Variants in ITGBL1 observed in about 807,000 individuals in gnomAD.
ITGBL1 encodes the protein integrin beta-like protein 1.
A neutral mutation model predicts 68.5 loss-of-function variants in ITGBL1; 51 were observed. The ratio of observed to expected loss-of-function variants is 0.74; its 90% CI spans 0.59 to 0.94. ITGBL1 has a LOEUF of 0.94. Among genes scored for constraint, ITGBL1 ranks in the 40% least tolerant of loss-of-function variants. The pLI, the probability that ITGBL1 is intolerant of heterozygous loss-of-function variation, is 0.00. For synonymous variants in ITGBL1, 209 were observed against 227.3 expected (o/e 0.92, Z 0.72); for missense variants, 649 against 647.4 (o/e 1.00, Z -0.03).
intron 6 of ITGBL1, among the ~76,000 whole-genome samples, chr13:101,583,601 T>C (rs2139290791): frequency 6.6e-6 from 1 of 152,282 alleles, no homozygotes; most frequent in Admixed American, 6.5e-5. Context: ...GATGTACTTA[T>C]TTCACATTGC....
At chr13:101,484,871 C>T (rs1280503545) in intron 2 of ITGBL1, among the ~76,000 whole-genome samples, 5 of 152,046 alleles carry the variant, frequency 3.3e-5, no homozygotes, top group South Asian at 2.1e-4. Context: ...AAGCACAAGA[C>T]GCTCAATAAA....
chr13:101,529,104 AC>A (rs2049429774), intron 2 of ITGBL1, among the ~76,000 whole-genome samples: 1 of 152,060 alleles, frequency 6.6e-6, no homozygotes, highest in African/African-American at 2.4e-5. Context: ...TATCAAAAGA[AC>A]AAATAAACAC....
At chr13:101,677,359 C>G (rs1024123179) in intron 7 of ITGBL1, among the ~76,000 whole-genome samples, 4 of 152,132 alleles carry the variant, frequency 2.6e-5, no homozygotes, top group African/African-American at 9.7e-5. Context: ...ATTTTTAAAG[C>G]TGTTCAGACA....
intron 2 of ITGBL1, among the ~76,000 whole-genome samples, chr13:101,485,917 A>G (rs957851585): frequency 6.6e-6 from 1 of 152,190 alleles, no homozygotes; most frequent in African/African-American, 2.4e-5. Flanking sequence ...GTGTAATACA[A>G]CCAGTATGGA....
intron 7 of ITGBL1, among the ~76,000 whole-genome samples, chr13:101,690,296 C>T (rs2139550458): frequency 6.6e-6 from 1 of 152,176 alleles, no homozygotes; most frequent in South Asian, 2.1e-4. Flanking sequence ...AACACATATG[C>T]CAGTGTTTAG....
intron 2 of ITGBL1, among the ~76,000 whole-genome samples, chr13:101,556,481 A>G (rs1327145057): frequency 6.6e-6 from 1 of 152,102 alleles, no homozygotes; most frequent in Non-Finnish European, 1.5e-5. Flanking sequence ...TACTAAAAAT[A>G]CAAAATAGCC....
At chr13:101,657,934 T>C (rs1315302909) in intron 7 of ITGBL1, among the ~76,000 whole-genome samples, 1 of 152,178 alleles carries the variant, frequency 6.6e-6, no homozygotes, top group Non-Finnish European at 1.5e-5. Context: ...AAGAAGTGCA[T>C]TTGAGAGAGT....
Position 101,579,288 on chromosome 13 carries a change from C to A in ITGBL1, c.588C>A (p.Gly196=). 2 of 1,613,134 alleles carry A rather than the reference C, an allele frequency of 1.2e-6. No homozygotes were observed. The highest frequency in any genetic ancestry group is 2.2e-5 in the South Asian group (2 of 90,970). ...IDDETEEICG[G]HGKCYCGNCY... Reference sequence around the variant, plus strand: ...GTATAAAATTCATTTTGGGTAAAGGCCATGGGAAGTGTTACTGTGGAAACT... The same window carrying A: ...GTATAAAATTCATTTTGGGTAAAGGACATGGGAAGTGTTACTGTGGAAACT... Residue 196 remains glycine (G), a splice_region_variant and synonymous_variant, in exon 5 of 11, where the codon GGC becomes GGA. Transcript: ENST00000376180.
At chr13:101,468,790 G>A (rs1026467433) in intron 2 of ITGBL1, among the ~76,000 whole-genome samples, 4 of 152,176 alleles carry the variant, frequency 2.6e-5, no homozygotes, top group Non-Finnish European at 5.9e-5. Context: ...TGAGATAGCC[G>A]AAATCACTGG....
intron 7 of ITGBL1, among the ~76,000 whole-genome samples, chr13:101,604,846 A>ATGTG (rs2030600656): frequency 5.7e-5 from 1 of 17,472 alleles, no homozygotes; most frequent in South Asian, 2.6e-3. Context: ...GGTGAAGGCA[A>ATGTG]TATATATATA....
intron 2 of ITGBL1, among the ~76,000 whole-genome samples, chr13:101,462,783 A>G (rs1456786932): frequency 1.3e-5 from 2 of 152,004 alleles, no homozygotes; most frequent in African/African-American, 2.4e-5. Flanking sequence ...GGGCTTCACC[A>G]TGTTGGCCAG....
intron 7 of ITGBL1, among the ~76,000 whole-genome samples, chr13:101,644,620 A>G (rs2032500296): frequency 6.6e-6 from 1 of 152,240 alleles, no homozygotes; most frequent in Non-Finnish European, 1.5e-5. Context: ...GGATTCAGCA[A>G]ATACTTGAAA....
At chr13:101,613,188 T>A (rs1171981568) in intron 7 of ITGBL1, among the ~76,000 whole-genome samples, 5 of 152,200 alleles carry the variant, frequency 3.3e-5, no homozygotes, top group African/African-American at 1.2e-4. Context: ...ATGAAACTTC[T>A]TTGTTAACTT....
chr13:101,459,279 G>A (rs1035090883), intron 2 of ITGBL1, among the ~76,000 whole-genome samples: 3 of 152,184 alleles, frequency 2.0e-5, no homozygotes, highest in Admixed American at 6.5e-5. Flanking sequence ...TGTTAACCTT[G>A]AGCCAGGTTT....
At chr13:101,618,756 C>T (rs2031467861) in intron 7 of ITGBL1, among the ~76,000 whole-genome samples, 1 of 152,108 alleles carries the variant, frequency 6.6e-6, no homozygotes, top group African/African-American at 2.4e-5. Flanking sequence ...GATTTTTCTC[C>T]ATACAGGAGG....
At chr13:101,617,979 T>C (rs1297406984) in intron 7 of ITGBL1, among the ~76,000 whole-genome samples, 2 of 152,208 alleles carry the variant, frequency 1.3e-5, no homozygotes, top group African/African-American at 4.8e-5. Context: ...TATATTCATG[T>C]ACTTAATCAT....
At chr13:101,594,806 G>A (rs1047872106) in intron 6 of ITGBL1, among the ~76,000 whole-genome samples, 2 of 152,196 alleles carry the variant, frequency 1.3e-5, no homozygotes, top group African/African-American at 4.8e-5. Flanking sequence ...GCACATGGTG[G>A]CTCATGCCTG....
intron 2 of ITGBL1, among the ~76,000 whole-genome samples, chr13:101,530,806 C>G (rs2049460503): frequency 6.6e-6 from 1 of 152,100 alleles, no homozygotes; most frequent in Non-Finnish European, 1.5e-5. Context: ...GACCTAAAAA[C>G]ACATTTTTGG....
At chr13:101,670,986 C>T (rs1290378984) in intron 7 of ITGBL1, among the ~76,000 whole-genome samples, 13 of 152,058 alleles carry the variant, frequency 8.5e-5, no homozygotes, top group Non-Finnish European at 1.5e-4. Flanking sequence ...AACCGAATTT[C>T]TTCATCAATT....
Sources: gnomAD v4.1 joint callset for allele counts (sites outside exome capture counted in the v4.1 genomes callset) on GRCh38, gnomAD v4.1.1 for gene constraint, MANE v1.5 for transcripts, NCBI Gene and HGNC (gene_info 2026-07-23, HGNC 2026-07-21) for gene names.